Variants in SOX6 observed in about 807,000 individuals in gnomAD.
SOX6 encodes the protein SRY-box transcription factor 6.
A neutral mutation model predicts 97.8 loss-of-function variants in SOX6; 11 were observed. The observed-to-expected ratio is 0.11, with a 90% CI of 0.07 to 0.19. The LOEUF (loss-of-function observed/expected upper bound fraction) is 0.19, where lower values mean the gene tolerates loss of function less well. Among genes scored for constraint, SOX6 ranks in the 10% least tolerant of loss-of-function variants. The pLI is 1.00. For missense variants in SOX6, 810 were observed against 1,039.5 expected (o/e 0.78, Z 3.04); for synonymous variants, 360 against 371.4 (o/e 0.97, Z 0.35).
rs1857067847 is a variant in SOX6 at position 16,356,193 on chromosome 11, A to C, written c.-104T>G. Among the ~76,000 whole-genome samples, 1 of 151,236 alleles carries C rather than the reference A, an allele frequency of 6.6e-6. No homozygotes were observed. Reference sequence around the variant, plus strand: ...CATAACACCTTTGACACCTTCCCAAATCACAAGAAACCTCTGACTGCCAAC... The same window carrying C: ...CATAACACCTTTGACACCTTCCCAACTCACAAGAAACCTCTGACTGCCAAC... On this transcript the variant is annotated 5_prime_UTR_variant, in exon 1 of 16. Transcript: ENST00000683767.
chr11:16,015,138 G>T, intron 12 of SOX6, 88 bp from the exon 13 acceptor site: 2 of 1,099,032 alleles, frequency 1.8e-6, no homozygotes, highest in Non-Finnish European at 1.4e-6. Context: ...ATGGCCAAAA[G>T]GTGAATTCAA....
At chr11:15,995,859 T>C (rs182790585) in intron 13 of SOX6, among the ~76,000 whole-genome samples, 8 of 152,078 alleles carry the variant, frequency 5.3e-5, no homozygotes, top group Admixed American at 2.6e-4. Flanking sequence ...AAATTCAGAG[T>C]TTTATCCAGT....
chr11:16,119,678 GTCT>G lies in SOX6; in HGVS notation c.778-7758_778-7756del, dbSNP rs1321105713. On this transcript the variant is annotated intron_variant, in intron 6 of 15. Coordinates refer to ENST00000683767, the MANE Select transcript of SOX6 (RefSeq NM_001367873.1). Reference sequence around the variant, plus strand: ...CCAACCAACTAGGACCTCAGATCTGGTCTTCTGACCACCAATTTTCATAGGGTA... The same window carrying G: ...CCAACCAACTAGGACCTCAGATCTGGTCTGACCACCAATTTTCATAGGGTA... Among the ~76,000 whole-genome samples the G allele has an allele frequency of 5.9e-5, 9 of 152,160 alleles. No individual in the cohort carries two copies. In the South Asian group the frequency reaches 1.9e-3, roughly 31 times the overall value.
chr11:16,400,898 T>A (rs1182224205), intron 1 of SOX6, among the ~76,000 whole-genome samples: 1 of 151,496 alleles, frequency 6.6e-6, no homozygotes, highest in Non-Finnish European at 1.5e-5. Flanking sequence ...TTAAACATAG[T>A]CCCAAATTTC....
intron 9 of SOX6, among the ~76,000 whole-genome samples, chr11:16,063,519 TA>T (rs1457063431): frequency 1.6e-5 from 1 of 63,246 alleles, no homozygotes; most frequent in Non-Finnish European, 3.1e-5. Flanking sequence ...TATATATATA[TA>T]TATATATATA....
At chr11:16,315,373 T>C (rs931630018) in intron 3 of SOX6, 9 of 152,190 alleles carry the variant, frequency 5.9e-5, no homozygotes, top group South Asian at 2.1e-4. Context: ...TTTAATAAAA[T>C]GCATTTCACA....
At chr11:16,013,507 T>C (rs752962857) in intron 13 of SOX6, among the ~76,000 whole-genome samples, 1 of 152,004 alleles carries the variant, frequency 6.6e-6, no homozygotes, top group Non-Finnish European at 1.5e-5. Flanking sequence ...ATGAAAATAA[T>C]GGGCTGTTGA....
At chr11:16,535,446 G>T (rs1392299131) in intron 4 of SOX6, among the ~76,000 whole-genome samples, 3 of 152,132 alleles carry the variant, frequency 2.0e-5, no homozygotes, top group Non-Finnish European at 4.4e-5. Flanking sequence ...GCCAAGGTGG[G>T]CAGATCACTT....
At chr11:16,602,155 C>T (rs1308144058) in intron 4 of SOX6, among the ~76,000 whole-genome samples, 1 of 152,128 alleles carries the variant, frequency 6.6e-6, no homozygotes, top group Non-Finnish European at 1.5e-5. Context: ...AATGTTCCTT[C>T]TCATGACTTC....
chr11:16,559,743 A>G (rs1380800131), intron 4 of SOX6, among the ~76,000 whole-genome samples: 1 of 152,104 alleles, frequency 6.6e-6, no homozygotes, highest in Non-Finnish European at 1.5e-5. Context: ...TTTTCTTGCT[A>G]CTGGTTTTCA....
At chr11:16,506,848 G>C (rs2133148078) in intron 4 of SOX6, among the ~76,000 whole-genome samples, 1 of 152,246 alleles carries the variant, frequency 6.6e-6, no homozygotes, top group Non-Finnish European at 1.5e-5. Context: ...CAGATCACTT[G>C]AGGTCAGGAG....
At chr11:16,223,652 T>C (rs903935194) in intron 4 of SOX6, among the ~76,000 whole-genome samples, 3 of 152,052 alleles carry the variant, frequency 2.0e-5, no homozygotes, top group African/African-American at 7.2e-5. Flanking sequence ...AGAGAAAGGT[T>C]CCCCCTCAGC....
At chr11:16,171,033 A>G (rs1366826704) in intron 6 of SOX6, among the ~76,000 whole-genome samples, 1 of 152,050 alleles carries the variant, frequency 6.6e-6, no homozygotes, top group Non-Finnish European at 1.5e-5. Context: ...AATTATTAAA[A>G]TAAATACTTC....
At chr11:16,041,635 A>T (rs188630251) in intron 12 of SOX6, among the ~76,000 whole-genome samples, 14 of 152,252 alleles carry the variant, frequency 9.2e-5, no homozygotes, top group Middle Eastern at 3.4e-3. Flanking sequence ...AAGCTTTTCT[A>T]AAAAAATTAT....
chr11:16,603,770 T>C (rs1164123729), intron 4 of SOX6, among the ~76,000 whole-genome samples: 1 of 151,804 alleles, frequency 6.6e-6, no homozygotes, highest in Non-Finnish European at 1.5e-5. Context: ...CTCTTACCAA[T>C]AGTTGAACAG....
chr11:16,091,424 GA>G (rs1309081789), intron 9 of SOX6, among the ~76,000 whole-genome samples: 1 of 152,018 alleles, frequency 6.6e-6, no homozygotes, highest in African/African-American at 2.4e-5. Context: ...CCACACCACT[GA>G]GGCATCTTTA....
intron 3 of SOX6, among the ~76,000 whole-genome samples, chr11:16,284,507 T>C (rs991197874): frequency 6.6e-6 from 1 of 152,196 alleles, no homozygotes; most frequent in African/African-American, 2.4e-5. Context: ...TAACATATTA[T>C]ATTAATATAA....
intron 6 of SOX6, among the ~76,000 whole-genome samples, chr11:16,147,399 C>T (rs989735670): frequency 2.0e-5 from 3 of 151,814 alleles, no homozygotes; most frequent in African/African-American, 4.8e-5. Flanking sequence ...ATACCTAATG[C>T]TAAATGACGA....
At chr11:16,506,932 C>T (rs142914232) in intron 4 of SOX6, among the ~76,000 whole-genome samples, 127 of 151,994 alleles carry the variant, frequency 8.4e-4, no homozygotes, top group African/African-American at 2.9e-3. Flanking sequence ...GGCATGGTGG[C>T]GAATACCTGT....
Sources: allele counts gnomAD v4.1 joint callset (sites outside exome capture counted in the v4.1 genomes callset), GRCh38; gene constraint gnomAD v4.1.1; transcripts MANE v1.5; gene names NCBI Gene and HGNC (gene_info 2026-07-23, HGNC 2026-07-21).